Variants in TBC1D22A observed in about 807,000 individuals in gnomAD.
The protein encoded by TBC1D22A is TBC1 domain family member 22A.
In TBC1D22A, 38 loss-of-function variants were observed where a neutral mutation model predicts 60.2. The ratio of observed to expected loss-of-function variants is 0.63; its 90% CI spans 0.49 to 0.83. TBC1D22A has a LOEUF of 0.83. TBC1D22A is among the 40% of genes least tolerant of loss of function. The probability of loss-of-function intolerance (pLI) is 0.00; values close to 1 mark genes in which losing one functional copy is unlikely to be tolerated. For missense variants in TBC1D22A, 628 were observed against 701.0 expected, an observed-to-expected ratio of 0.90 and a Z score of 1.18; for synonymous variants, 302 against 281.7, an observed-to-expected ratio of 1.07 and a Z score of -0.72.
At chr22:47,113,235 G>A (rs760665688) in intron 12 of TBC1D22A, among the ~76,000 whole-genome samples, 2 of 152,196 alleles carry the variant, frequency 1.3e-5, no homozygotes, top group Non-Finnish European at 2.9e-5. Context: ...CTCCCGGAGA[G>A]CCTCCCAGGG....
chr22:46,848,662 A>G (rs905246304), intron 4 of TBC1D22A, among the ~76,000 whole-genome samples: 2 of 152,202 alleles, frequency 1.3e-5, no homozygotes, highest in African/African-American at 4.8e-5. Flanking sequence ...CTGAGTCTGT[A>G]TGATGATGTT....
intron 7 of TBC1D22A, among the ~76,000 whole-genome samples, chr22:46,906,864 C>G (rs2069517585): frequency 6.6e-6 from 1 of 150,808 alleles, no homozygotes; most frequent in African/African-American, 2.5e-5. Flanking sequence ...ACTTGTGCCT[C>G]TGTGTGTGTA....
At chr22:47,082,322 G>C (rs1426934232) in intron 11 of TBC1D22A, among the ~76,000 whole-genome samples, 3 of 152,104 alleles carry the variant, frequency 2.0e-5, no homozygotes, top group African/African-American at 7.2e-5. Flanking sequence ...TTTTTTAAAA[G>C]AACAACTAAG....
At chr22:46,975,559 G>T (rs919822713) in intron 9 of TBC1D22A, among the ~76,000 whole-genome samples, 1 of 152,184 alleles carries the variant, frequency 6.6e-6, no homozygotes, top group African/African-American at 2.4e-5. Context: ...CAGCTCAAAG[G>T]GGGGCCCTCA....
At chr22:47,171,817 C>G (rs1329871021) in intron 12 of TBC1D22A, among the ~76,000 whole-genome samples, 1 of 152,210 alleles carries the variant, frequency 6.6e-6, no homozygotes, top group Non-Finnish European at 1.5e-5. Context: ...AGGTCAGTCT[C>G]CATCTCCTCA....
At chr22:46,976,334 CG>C (rs2074293341) in intron 9 of TBC1D22A, among the ~76,000 whole-genome samples, 1 of 152,198 alleles carries the variant, frequency 6.6e-6, no homozygotes, top group African/African-American at 2.4e-5. Context: ...CCGTGGCAGC[CG>C]TTGATCTTCT....
intron 10 of TBC1D22A, among the ~76,000 whole-genome samples, chr22:47,005,391 T>C (rs1251956251): frequency 6.6e-6 from 1 of 151,160 alleles, no homozygotes; most frequent in Non-Finnish European, 1.5e-5. Flanking sequence ...CATACCCCTA[T>C]GCACGCACCA....
intron 4 of TBC1D22A, among the ~76,000 whole-genome samples, chr22:46,802,633 C>T (rs1392097661): frequency 2.0e-5 from 3 of 152,204 alleles, no homozygotes; most frequent in Admixed American, 6.5e-5. Context: ...CATGAAGCCT[C>T]TGGGAGGTTT....
At chr22:46,942,750 GCTTT>G (rs1420795729) in intron 8 of TBC1D22A, among the ~76,000 whole-genome samples, 1 of 152,282 alleles carries the variant, frequency 6.6e-6, no homozygotes, top group East Asian at 1.9e-4. Flanking sequence ...GAGAAATCAG[GCTTT>G]CTATTACTTT....
chr22:46,858,829 G>A, intron 4 of TBC1D22A, among the ~76,000 whole-genome samples: 1 of 152,278 alleles, frequency 6.6e-6, no homozygotes, highest in East Asian at 1.9e-4. Context: ...AATTGGGTGC[G>A]TTCACTGTGG....
chr22:47,112,287 C>T (rs964804398), intron 12 of TBC1D22A, among the ~76,000 whole-genome samples: 6 of 152,224 alleles, frequency 3.9e-5, no homozygotes, highest in East Asian at 1.9e-4. Context: ...CTGGGAAGTC[C>T]TTCTGCCCAG....
chr22:46,961,492 T>G (rs2073502274), intron 8 of TBC1D22A, among the ~76,000 whole-genome samples: 1 of 152,238 alleles, frequency 6.6e-6, no homozygotes, highest in East Asian at 1.9e-4. Context: ...AGAGCTTGTA[T>G]CCACATGAAA....
intron 12 of TBC1D22A, among the ~76,000 whole-genome samples, chr22:47,148,362 G>A (rs900555104): frequency 9.3e-5 from 14 of 151,334 alleles, no homozygotes; most frequent in Non-Finnish European, 1.6e-4. Context: ...CAGAAGCAGA[G>A]AAGAGAGACT....
chr22:46,792,803 A>T (rs758777708), intron 2 of TBC1D22A: 4 of 1,452,710 alleles, frequency 2.8e-6, no homozygotes, highest in East Asian at 2.5e-5. Flanking sequence ...TGATGTGGGG[A>T]GGTGGGGGAG....
chr22:46,921,669 G>T (rs1018470488), intron 8 of TBC1D22A, among the ~76,000 whole-genome samples: 1 of 152,112 alleles, frequency 6.6e-6, no homozygotes, highest in African/African-American at 2.4e-5. Context: ...TCACCGAACT[G>T]CTTTCCATAG....
intron 8 of TBC1D22A, among the ~76,000 whole-genome samples, chr22:46,960,585 G>A (rs111532288): frequency 0.052 from 7,967 of 152,176 alleles, 623 homozygotes; most frequent in African/African-American, 0.18. Context: ...TGGCCCTTTG[G>A]CAGTGTCCCC....
intron 1 of TBC1D22A, among the ~76,000 whole-genome samples, chr22:46,768,477 T>C (rs1462981417): frequency 4.0e-5 from 4 of 100,240 alleles, no homozygotes; most frequent in Non-Finnish European, 7.4e-5. Flanking sequence ...AGAGCGAGAC[T>C]CTGTCTCAAA....
intron 4 of TBC1D22A, among the ~76,000 whole-genome samples, chr22:46,849,102 T>G: frequency 6.6e-6 from 1 of 152,192 alleles, no homozygotes; most frequent in African/African-American, 2.4e-5. Flanking sequence ...TCTCACAATT[T>G]GTGTGACGCT....
chr22:46,968,005 C>T (rs184814443), intron 8 of TBC1D22A, among the ~76,000 whole-genome samples: 1 of 152,204 alleles, frequency 6.6e-6, no homozygotes, highest in Non-Finnish European at 1.5e-5. Context: ...TGTCGTCTCA[C>T]AGAGGTGGGG....
Sources: gnomAD v4.1 joint callset for allele counts (sites outside exome capture counted in the v4.1 genomes callset) on GRCh38, gnomAD v4.1.1 for gene constraint, MANE v1.5 for transcripts, NCBI Gene and HGNC (gene_info 2026-07-23, HGNC 2026-07-21) for gene names.